KLF8: variants seen among roughly 807,000 people sequenced by gnomAD.
KLF8 encodes Krueppel-like factor 8.
Under a neutral mutation model 18.2 loss-of-function variants are expected in KLF8, and 10 were observed. That is an observed-to-expected ratio of 0.55 (90% confidence interval 0.34 to 0.93). KLF8 has a LOEUF of 0.93. Among genes scored for constraint, KLF8 ranks in the 40% least tolerant of loss-of-function variants. The probability of loss-of-function intolerance (pLI) is 0.02; values close to 1 mark genes in which losing one functional copy is unlikely to be tolerated. For missense variants in KLF8, 264 were observed against 277.9 expected, an observed-to-expected ratio of 0.95 and a Z score of 0.36; for synonymous variants, 109 against 97.3, an observed-to-expected ratio of 1.12 and a Z score of -0.71.
the KLF8 span, among the ~76,000 whole-genome samples, chrX:56,194,727 GC>G: frequency 1.8e-5 from 2 of 112,219 alleles, no homozygotes; most frequent in Non-Finnish European, 3.8e-5. Flanking sequence ...TGGTGTTTGA[GC>G]TTTGAGAACG....
chrX:56,015,969 G>T, the KLF8 span, among the ~76,000 whole-genome samples: 4 of 112,365 alleles, frequency 3.6e-5, no homozygotes. Context: ...CCATATGTGT[G>T]TATGTGTGTA....
the KLF8 span, among the ~76,000 whole-genome samples, chrX:56,131,335 C>T: frequency 1.8e-5 from 2 of 111,727 alleles, no homozygotes; most frequent in African/African-American, 6.5e-5. Flanking sequence ...GCCCTATCTT[C>T]AGCCTCCTTA....
At chrX:56,066,189 A>G in the KLF8 span, among the ~76,000 whole-genome samples, 74 of 112,128 alleles carry the variant, frequency 6.6e-4, no homozygotes, top group African/African-American at 2.3e-3. Flanking sequence ...AAAGTACTCA[A>G]GCTTGCAGTT....
chrX:55,966,161 C>G, the KLF8 span, among the ~76,000 whole-genome samples: 7 of 112,505 alleles, frequency 6.2e-5, no homozygotes, highest in African/African-American at 1.9e-4. Flanking sequence ...TGACTCCAGT[C>G]CCTGGTTCCC....
At chrX:56,007,952 A>G in the KLF8 span, among the ~76,000 whole-genome samples, 8 of 110,791 alleles carry the variant, frequency 7.2e-5, no homozygotes, top group African/African-American at 2.6e-4. Context: ...TTAAAAGTTG[A>G]AGAAAAAAAA....
At chrX:56,278,489 A>T (rs2067152476) in intron 5 of KLF8, among the ~76,000 whole-genome samples, 1 of 111,100 alleles carries the variant, frequency 9.0e-6, no homozygotes, top group Admixed American at 9.6e-5. Context: ...ACTCTGAATG[A>T]TGCCCTATCC....
the KLF8 span, among the ~76,000 whole-genome samples, chrX:56,148,268 T>C: frequency 1.8e-5 from 2 of 111,414 alleles, no homozygotes; most frequent in Non-Finnish European, 3.8e-5. Flanking sequence ...AACTTAAAAT[T>C]AGGCCCTAAT....
the KLF8 span, among the ~76,000 whole-genome samples, chrX:56,149,452 A>C: frequency 9.1e-6 from 1 of 110,482 alleles, no homozygotes; most frequent in African/African-American, 3.3e-5. Flanking sequence ...GGGGAGTGGG[A>C]CAAGGGCTGA....
intron 1 of KLF8, among the ~76,000 whole-genome samples, chrX:56,237,442 T>G (rs889825052): frequency 7.3e-5 from 8 of 110,063 alleles, no homozygotes; most frequent in Non-Finnish European, 1.5e-4. Context: ...TGTATATATA[T>G]ATCCCCTTCA....
At chrX:56,063,548 G>A in the KLF8 span, among the ~76,000 whole-genome samples, 1 of 111,598 alleles carries the variant, frequency 9.0e-6, no homozygotes, top group Non-Finnish European at 1.9e-5. Flanking sequence ...TTGTCCCAGA[G>A]GGGCACCCAC....
At chrX:55,947,943 A>T in the KLF8 span, among the ~76,000 whole-genome samples, 1 of 112,123 alleles carries the variant, frequency 8.9e-6, no homozygotes, top group Admixed American at 9.5e-5. Flanking sequence ...GTACAATTAG[A>T]TGCAGAGAAA....
the KLF8 span, among the ~76,000 whole-genome samples, chrX:56,194,744 A>G: frequency 1.8e-5 from 2 of 112,370 alleles, no homozygotes; most frequent in Non-Finnish European, 3.8e-5. Context: ...GAACGGACAG[A>G]CTGCCTCCTC....
the KLF8 span, among the ~76,000 whole-genome samples, chrX:56,018,259 C>G: frequency 1.1e-4 from 12 of 110,813 alleles, no homozygotes; most frequent in Non-Finnish European, 3.8e-5. Context: ...AGTTGTGTAG[C>G]TTCCACATAA....
chrX:55,912,669 C>T, the KLF8 span, among the ~76,000 whole-genome samples: 2 of 111,027 alleles, frequency 1.8e-5, no homozygotes, highest in African/African-American at 6.6e-5. Context: ...CCTGTACTTT[C>T]TAAGTTGTTT....
At chrX:56,222,947 CGGCA>C in the KLF8 span, among the ~76,000 whole-genome samples, 10 of 112,898 alleles carry the variant, frequency 8.9e-5, no homozygotes, top group Non-Finnish European at 1.7e-4. Flanking sequence ...CCACACCTCC[CGGCA>C]GGCTGAGGGA....
chrX:56,030,483 G>T, the KLF8 span, among the ~76,000 whole-genome samples: 598 of 111,542 alleles, frequency 5.4e-3, 2 homozygotes, highest in Non-Finnish European at 8.3e-3. Context: ...AGGCTTTTCA[G>T]TGTAAGATGG....
the KLF8 span, among the ~76,000 whole-genome samples, chrX:56,086,643 T>A: frequency 9.0e-6 from 1 of 111,168 alleles, no homozygotes; most frequent in Non-Finnish European, 1.9e-5. Context: ...TTATAGTTTA[T>A]AAAATAAATA....
chrX:56,004,675 A>G, the KLF8 span, among the ~76,000 whole-genome samples: 2 of 111,582 alleles, frequency 1.8e-5, no homozygotes, highest in African/African-American at 6.5e-5. Flanking sequence ...TCTTGCGGGT[A>G]ATTCTTATTG....
chrX:56,161,343 G>A, the KLF8 span, among the ~76,000 whole-genome samples: 1 of 111,487 alleles, frequency 9.0e-6, no homozygotes, highest in Non-Finnish European at 1.9e-5. Context: ...AGTTCTCCTG[G>A]ATAATATCCT....
Sources: allele counts gnomAD v4.1 joint callset (sites outside exome capture counted in the v4.1 genomes callset), GRCh38; gene constraint gnomAD v4.1.1; transcripts MANE v1.5; gene names NCBI Gene and HGNC (gene_info 2026-07-23, HGNC 2026-07-21).